The following TG variants were observed in gnomAD, a reference collection of about 807,000 sequenced individuals.
The protein encoded by TG is thyroglobulin.
TG carries 270 observed loss-of-function variants against 324.7 expected under a neutral mutation model. The ratio of observed to expected loss-of-function variants is 0.83; its 90% confidence interval spans 0.75 to 0.92. TG has a LOEUF of 0.92. Among genes scored for constraint, TG ranks in the 40% least tolerant of loss-of-function variants. The pLI is 0.00. For missense variants in TG, 3,591 were observed against 3,456.4 expected (o/e 1.04, Z -0.98); for synonymous variants, 1,401 against 1,327.0 (o/e 1.06, Z -1.21).
intron 34 of TG, among the ~76,000 whole-genome samples, chr8:132,973,647 C>T (rs1264702900): frequency 6.6e-6 from 1 of 152,220 alleles, no homozygotes; most frequent in Non-Finnish European, 1.5e-5. Flanking sequence ...TCACCGCTTA[C>T]ATCACATGTG....
chr8:133,021,895 G>A, intron 39 of TG, 96 bp from the exon 40 acceptor site: 1 of 1,478,660 alleles, frequency 6.8e-7, no homozygotes, highest in Middle Eastern at 1.7e-4. Flanking sequence ...CCACAGAGCT[G>A]GCCAGAGGAG....
Position 133,132,071 on chromosome 8 carries a change from C to A in TG, c.7997+125C>A, listed in dbSNP as rs1851986509. 2.8e-6 allele frequency: 4 copies of A among 1,426,366 alleles called. No individual in the cohort carries two copies. In the East Asian group the frequency reaches 6.8e-5, roughly 24 times the overall value. 88.4% of individuals were successfully genotyped at this position (1,426,366 alleles called of 1,614,324 possible). On this transcript the variant is annotated intron_variant, in intron 46 of 47. Transcript: ENST00000220616. ...CTTTCCTCCGTAGACACTATAATCACCAGCCACTGGCCTCCCTGTCTCAGT... is the reference window on the plus strand; with the variant it reads ...CTTTCCTCCGTAGACACTATAATCAACAGCCACTGGCCTCCCTGTCTCAGT...
Position 133,013,148 on chromosome 8 carries a change from G to A in TG, c.6398-452G>A, listed in dbSNP as rs558635302. On this transcript the variant is annotated intron_variant, in intron 36 of 47. Coordinates refer to ENST00000220616, the MANE Select transcript of TG (RefSeq NM_003235.5). The stretch of plus-strand genomic sequence containing the variant: ...TTAAATAAACAAAAAAGACCTTAAT[G>A]CTGCATGGAAAGTAGATTGATCAGA... Among the ~76,000 whole-genome samples, 18 of 152,342 alleles carry A rather than the reference G, an allele frequency of 1.2e-4. No homozygotes were observed. In the East Asian group the frequency reaches 3.3e-3, roughly 28 times the overall value.
chr8:132,980,360 T>C (rs975777897), intron 34 of TG, among the ~76,000 whole-genome samples: 1 of 152,120 alleles, frequency 6.6e-6, no homozygotes, highest in Non-Finnish European at 1.5e-5. Flanking sequence ...TGGAACCTCC[T>C]TAAGTCCCCT....
intron 34 of TG, among the ~76,000 whole-genome samples, chr8:132,977,435 G>A (rs1463273018): frequency 1.3e-5 from 2 of 152,084 alleles, no homozygotes; most frequent in South Asian, 2.1e-4. Context: ...ACTGAGTGAT[G>A]ACTATGAGCC....
At chr8:133,028,259 G>T (rs2130979034) in intron 40 of TG, among the ~76,000 whole-genome samples, 1 of 152,298 alleles carries the variant, frequency 6.6e-6, no homozygotes, top group East Asian at 1.9e-4. Flanking sequence ...TGAGACCTTG[G>T]AGGAAACAAA....
At chr8:133,057,712 A>C (rs2131301329) in intron 41 of TG, among the ~76,000 whole-genome samples, 1 of 151,962 alleles carries the variant, frequency 6.6e-6, no homozygotes. Context: ...TTAAGACATT[A>C]GTTCCTGAGA....
chr8:132,886,617 C>G lies in TG; in HGVS notation c.1245C>G (p.Leu415=). Reference sequence around the variant, plus strand: ...CCTGCCCACCCACGATCAAGGAGCTCTTTGTGGACTCTGGGCTTCTCCGCC... The same window carrying G: ...CCTGCCCACCCACGATCAAGGAGCTGTTTGTGGACTCTGGGCTTCTCCGCC... ...ATSCPPTIKE[L]FVDSGLLRPM... Residue 415 remains leucine, a synonymous_variant, in exon 9 of 48, where the codon CTC becomes CTG. Transcript: ENST00000220616. 1 of 1,614,184 alleles carries G rather than the reference C, an allele frequency of 6.2e-7. No homozygotes were observed. Among genetic ancestry groups the G allele is most frequent in the Non-Finnish European group, 8.5e-7 (1 of 1,180,026 alleles).
At chr8:133,082,874 C>G (rs575446295) in intron 41 of TG, among the ~76,000 whole-genome samples, 1 of 152,176 alleles carries the variant, frequency 6.6e-6, no homozygotes, top group East Asian at 1.9e-4. Context: ...ATGCTGATAG[C>G]AATTTGCCAA....
intron 43 of TG, among the ~76,000 whole-genome samples, chr8:133,106,109 T>G (rs926302150): frequency 6.6e-6 from 1 of 151,954 alleles, no homozygotes; most frequent in South Asian, 2.1e-4. Context: ...AGCTGCACAC[T>G]GAAGGTCTGA....
At chr8:133,129,646 G>A (rs778620753) in intron 45 of TG, among the ~76,000 whole-genome samples, 3 of 151,984 alleles carry the variant, frequency 2.0e-5, no homozygotes, top group Non-Finnish European at 4.4e-5. Context: ...ATAGGCACAC[G>A]GCACCACACC....
At chr8:133,047,281 A>C (rs940052967) in intron 41 of TG, 1 of 152,992 alleles carries the variant, frequency 6.5e-6, no homozygotes, top group Admixed American at 6.5e-5. Context: ...TGACTGTGTG[A>C]GAGGACACAT....
chr8:132,888,325 C>G lies in TG; in HGVS notation c.2518C>G (p.Pro840Ala). 1 of 1,614,118 alleles carries G rather than the reference C, an allele frequency of 6.2e-7. No homozygotes were observed. The highest frequency in any genetic ancestry group is 2.2e-5 in the East Asian group (1 of 44,888). Residue 840 changes from proline to alanine, a missense_variant, in exon 10 of 48, where the codon CCT (proline) becomes GCT (alanine). Coordinates refer to ENST00000220616, the MANE Select transcript of TG (RefSeq NM_003235.5). ...TGTCTTCCCGGTGCTGTCACAATAC[C>G]CTTCTCTGCAAGATGTCCCACTAGC... Reference protein sequence around the residue: ...QDVFPVLSQYPSLQDVPLAAL... With the variant: ...QDVFPVLSQYASLQDVPLAAL...
chr8:132,904,528 G>T (rs554962195), intron 16 of TG, among the ~76,000 whole-genome samples: 4 of 152,162 alleles, frequency 2.6e-5, no homozygotes, highest in Non-Finnish European at 5.9e-5. Context: ...CTCCCTGGCC[G>T]TGGGGGCCAG....
intron 21 of TG, among the ~76,000 whole-genome samples, chr8:132,922,595 T>C (rs1018473814): frequency 6.6e-6 from 1 of 152,182 alleles, no homozygotes; most frequent in Non-Finnish European, 1.5e-5. Flanking sequence ...CTTAGTCCAT[T>C]TGGGCTGCTA....
At chr8:133,110,261 T>C (rs1325447772) in intron 43 of TG, among the ~76,000 whole-genome samples, 1 of 152,168 alleles carries the variant, frequency 6.6e-6, no homozygotes, top group Non-Finnish European at 1.5e-5. Flanking sequence ...GGATTCCTTC[T>C]TTATAAAGCA....
At chr8:132,896,695 C>A (rs74822959) in intron 11 of TG, among the ~76,000 whole-genome samples, 1 of 152,306 alleles carries the variant, frequency 6.6e-6, no homozygotes, top group South Asian at 2.1e-4. Flanking sequence ...TCCTCTCCCC[C>A]TCATGCATTC....
At chr8:132,985,404 C>A (rs1436441873) in intron 35 of TG, among the ~76,000 whole-genome samples, 1 of 152,138 alleles carries the variant, frequency 6.6e-6, no homozygotes, top group Non-Finnish European at 1.5e-5. Flanking sequence ...CCCATAGAAT[C>A]CCACTATTCC....
At chr8:133,008,516 C>CA (rs1194722345) in intron 35 of TG, among the ~76,000 whole-genome samples, 1 of 151,478 alleles carries the variant, frequency 6.6e-6, no homozygotes, top group Non-Finnish European at 1.5e-5. Flanking sequence ...GAAAAAAAAA[C>CA]AAAATAAAAA....
Sources: gnomAD v4.1 joint callset for allele counts (sites outside exome capture counted in the v4.1 genomes callset) on GRCh38, gnomAD v4.1.1 for gene constraint, MANE v1.5 for transcripts, NCBI Gene and HGNC (gene_info 2026-07-23, HGNC 2026-07-21) for gene names.